Variants in CHCHD3 observed in about 807,000 individuals in gnomAD.
CHCHD3 encodes the protein coiled-coil-helix-coiled-coil-helix domain containing 3.
In CHCHD3, 20 loss-of-function variants were observed where a neutral mutation model predicts 38.2. That is an observed-to-expected ratio of 0.52 (90% CI 0.37 to 0.76). The LOEUF (loss-of-function observed/expected upper bound fraction) is 0.76. CHCHD3 is among the 30% of genes least tolerant of loss of function. CHCHD3 has a pLI of 0.00. For missense variants in CHCHD3, 245 were observed against 279.2 expected (o/e 0.88, Z 0.87); for synonymous variants, 82 against 100.0 (o/e 0.82, Z 1.07).
intron 2 of CHCHD3, among the ~76,000 whole-genome samples, chr7:133,027,879 T>C (rs1205348582): frequency 1.3e-5 from 2 of 152,140 alleles, no homozygotes; most frequent in African/African-American, 2.4e-5. Flanking sequence ...GTCCAAATAG[T>C]CTGCTTTTCA....
intron 4 of CHCHD3, among the ~76,000 whole-genome samples, chr7:132,915,433 T>C (rs745514442): frequency 6.6e-6 from 1 of 152,148 alleles, no homozygotes. Context: ...CCTCTGGTCT[T>C]TCCTTTTGAG....
chr7:132,973,185 C>T (rs1811654682), intron 4 of CHCHD3: 1 of 985,232 alleles, frequency 1.0e-6, no homozygotes, highest in Non-Finnish European at 1.2e-6. Context: ...AGAAAGAGTG[C>T]TTCAAAGATA....
chr7:132,966,579 T>C (rs1408974481), intron 4 of CHCHD3, among the ~76,000 whole-genome samples: 1 of 152,184 alleles, frequency 6.6e-6, no homozygotes, highest in East Asian at 1.9e-4. Flanking sequence ...TATCACATGG[T>C]AAATAATATT....
Position 132,886,671 on chromosome 7 carries a change from T to C in CHCHD3, c.370-926A>G, listed in dbSNP as rs566243012. ...ATATATGTATATATGTGTGTATATATACATATATATACACACACACTATAT... is the reference window on the plus strand; with the variant it reads ...ATATATGTATATATGTGTGTATATACACATATATATACACACACACTATAT... On this transcript the variant is annotated intron_variant, in intron 4 of 7. Coordinates refer to ENST00000262570, the MANE Select transcript of CHCHD3 (RefSeq NM_017812.4). Among the ~76,000 whole-genome samples, 5 of 149,450 alleles carry C rather than the reference T, an allele frequency of 3.3e-5. No individual in the cohort carries two copies. The East Asian group carries it at 5.9e-4, about 18-fold the overall frequency.
Position 132,846,532 on chromosome 7 carries a change from T to C in CHCHD3, c.454-8063A>G, listed in dbSNP as rs1808080532. Among the ~76,000 whole-genome samples the C allele has an allele frequency of 3.9e-5, 6 of 152,378 alleles. No homozygotes were observed. In the South Asian group the frequency reaches 1.2e-3, roughly 32 times the overall value. On this transcript the variant is annotated intron_variant, in intron 5 of 7. Coordinates refer to ENST00000262570, the MANE Select transcript of CHCHD3 (RefSeq NM_017812.4). ...TGTGTTCTTACAAAGAAGAGACTTTTATAACTTACCACACTGTACCAACAT... is the reference window on the plus strand; with the variant it reads ...TGTGTTCTTACAAAGAAGAGACTTTCATAACTTACCACACTGTACCAACAT...
intron 3 of CHCHD3, 95 bp downstream of exon 3, chr7:133,024,451 C>G: frequency 1.0e-6 from 1 of 974,432 alleles, no homozygotes; most frequent in Non-Finnish European, 1.6e-6. Context: ...CAGTCATACA[C>G]AAATAATGAG....
intron 4 of CHCHD3, among the ~76,000 whole-genome samples, chr7:132,957,949 A>T (rs996608172): frequency 6.6e-6 from 1 of 152,230 alleles, no homozygotes; most frequent in Non-Finnish European, 1.5e-5. Context: ...AGGCTGAGAA[A>T]TTTACACAGA....
intron 4 of CHCHD3, chr7:132,973,297 C>T (rs1811659010): frequency 1.1e-5 from 11 of 985,316 alleles, no homozygotes; most frequent in Middle Eastern, 5.2e-4. Context: ...CTTCCTCAAA[C>T]ATGAGCACTA....
rs992563313 is a variant in CHCHD3, at chr7:132,975,306, C to A, written c.252-20G>T. 1.3e-6 allele frequency: 2 copies of A among 1,566,382 alleles called. No homozygotes were observed. Reference sequence around the variant, plus strand: ...TTTAGTCTAAAATGACAAGAATTGTCTAAGTTAGAAAAAATATTTTATTAG... The same window carrying A: ...TTTAGTCTAAAATGACAAGAATTGTATAAGTTAGAAAAAATATTTTATTAG... On this transcript the variant is annotated intron_variant, in intron 3 of 7. Coordinates refer to ENST00000262570, the MANE Select transcript of CHCHD3 (RefSeq NM_017812.4).
intron 3 of CHCHD3, among the ~76,000 whole-genome samples, chr7:132,990,134 T>C (rs564591200): frequency 1.3e-5 from 2 of 152,130 alleles, no homozygotes; most frequent in South Asian, 2.1e-4. Context: ...GATCACGCCA[T>C]TGCACTCCAA....
At chr7:132,868,721 G>A (rs1457888034) in intron 5 of CHCHD3, among the ~76,000 whole-genome samples, 5 of 152,078 alleles carry the variant, frequency 3.3e-5, no homozygotes, top group Non-Finnish European at 7.4e-5. Context: ...CCCCAGAATT[G>A]TTTTGTGCCT....
intron 1 of CHCHD3, among the ~76,000 whole-genome samples, chr7:133,078,504 CA>C (rs1016085328): frequency 2.6e-5 from 4 of 151,678 alleles, no homozygotes; most frequent in African/African-American, 9.7e-5. Flanking sequence ...GACTCCAACT[CA>C]AAAAAACCTC....
intron 4 of CHCHD3, among the ~76,000 whole-genome samples, chr7:132,908,835 C>T (rs1809864171): frequency 6.6e-6 from 1 of 152,156 alleles, no homozygotes; most frequent in East Asian, 1.9e-4. Context: ...AAAGTTATCT[C>T]ATATTTGTTA....
intron 2 of CHCHD3, among the ~76,000 whole-genome samples, chr7:133,068,289 C>T (rs1814728601): frequency 6.6e-6 from 1 of 152,092 alleles, no homozygotes; most frequent in African/African-American, 2.4e-5. Flanking sequence ...TACTAAGAAG[C>T]AGGTTACACT....
chr7:132,916,482 A>G (rs900743450), intron 4 of CHCHD3, among the ~76,000 whole-genome samples: 3 of 132,620 alleles, frequency 2.3e-5, no homozygotes, highest in Non-Finnish European at 5.4e-5. Flanking sequence ...GTACTGTACA[A>G]TAAGATATTG....
At chr7:132,815,628 C>A (rs1451263911) in intron 6 of CHCHD3, 2 of 454,558 alleles carry the variant, frequency 4.4e-6, no homozygotes, top group Non-Finnish European at 8.8e-6. Context: ...TTTCACCAAA[C>A]CTGCTGGTAG....
At chr7:132,977,975 T>C (rs905547082) in intron 3 of CHCHD3, among the ~76,000 whole-genome samples, 1 of 152,174 alleles carries the variant, frequency 6.6e-6, no homozygotes, top group African/African-American at 2.4e-5. Flanking sequence ...GGTACAGATA[T>C]GCAAACTCTG....
At chr7:133,046,714 C>T (rs1813997426) in intron 2 of CHCHD3, among the ~76,000 whole-genome samples, 1 of 152,168 alleles carries the variant, frequency 6.6e-6, no homozygotes. Flanking sequence ...AGGCGCCCGC[C>T]ACCACACCCG....
At chr7:133,080,678 T>C (rs1441150575) in intron 1 of CHCHD3, among the ~76,000 whole-genome samples, 1 of 152,188 alleles carries the variant, frequency 6.6e-6, no homozygotes, top group Non-Finnish European at 1.5e-5. Context: ...AATGTAGTAC[T>C]ACCATTAATT....
Sources: allele counts gnomAD v4.1 joint callset (sites outside exome capture counted in the v4.1 genomes callset), GRCh38; gene constraint gnomAD v4.1.1; transcripts MANE v1.5; gene names NCBI Gene and HGNC (gene_info 2026-07-23, HGNC 2026-07-21).